CNBD1: variants seen among roughly 807,000 people sequenced by gnomAD.
CNBD1 encodes cyclic nucleotide binding domain containing 1, also known as cyclic nucleotide-binding domain-containing protein 1.
CNBD1 carries 71 observed loss-of-function variants against 54.4 expected under a neutral mutation model. The observed-to-expected ratio is 1.30, with a 90% CI of 1.08 to 1.59. The LOEUF is 1.59. Among genes scored for constraint, CNBD1 ranks in the 40% most tolerant of loss-of-function variants. CNBD1 has a pLI of 0.00. For missense variants in CNBD1, 659 were observed against 518.0 expected, an observed-to-expected ratio of 1.27 and a Z score of -2.64; for synonymous variants, 182 against 170.7, an observed-to-expected ratio of 1.07 and a Z score of -0.51.
At chr8:86,966,076 G>A (rs1283818736) in intron 4 of CNBD1, among the ~76,000 whole-genome samples, 1 of 152,172 alleles carries the variant, frequency 6.6e-6, no homozygotes, top group Non-Finnish European at 1.5e-5. Flanking sequence ...CCTGCTGATT[G>A]GTCCATGGTT....
intron 4 of CNBD1, among the ~76,000 whole-genome samples, chr8:87,063,843 C>A (rs1006307463): frequency 6.6e-6 from 1 of 151,766 alleles, no homozygotes. Context: ...TTATTTCTAG[C>A]AGTTTTATAT....
chr8:87,387,898 A>G (rs895196341), intron 2 of CNBD1, among the ~76,000 whole-genome samples: 1 of 152,204 alleles, frequency 6.6e-6, no homozygotes, highest in African/African-American at 2.4e-5. Flanking sequence ...AAATTATAAC[A>G]AACTGTCTCT....
chr8:87,329,308 G>C (rs1397810265), intron 8 of CNBD1, among the ~76,000 whole-genome samples: 1 of 152,134 alleles, frequency 6.6e-6, no homozygotes, highest in African/African-American at 2.4e-5. Flanking sequence ...GATTACTGCA[G>C]CTCTATTGTA....
At chr8:87,216,657 G>C (rs957770777) in intron 5 of CNBD1, among the ~76,000 whole-genome samples, 4 of 151,998 alleles carry the variant, frequency 2.6e-5, no homozygotes, top group African/African-American at 7.2e-5. Context: ...TGAGGACTCT[G>C]AGTTTCAAAA....
chr8:87,242,961 G>A (rs1449768348), intron 6 of CNBD1, among the ~76,000 whole-genome samples: 1 of 152,124 alleles, frequency 6.6e-6, no homozygotes, highest in Non-Finnish European at 1.5e-5. Context: ...GTGGAGGGAG[G>A]AAATGTGGTA....
rs559722422 is a variant in CNBD1 at position 87,226,786 on chromosome 8, G to T, written c.578-10133G>T. ...TGGTGCAGAGCTGAGTTCAATTCCTGGGTATCCTTGTTGACTTTCTGTCTC... is the reference window on the plus strand; with the variant it reads ...TGGTGCAGAGCTGAGTTCAATTCCTTGGTATCCTTGTTGACTTTCTGTCTC... On this transcript the variant is annotated intron_variant, in intron 5 of 10. Transcript: ENST00000518476. 4.6e-5 allele frequency among the ~76,000 whole-genome samples: 7 copies of T among 151,408 alleles called. 1 individual carries two copies. The South Asian group carries it at 8.3e-4, about 18-fold the overall frequency.
intron 2 of CNBD1, among the ~76,000 whole-genome samples, chr8:87,410,087 G>T (rs773192643): frequency 2.0e-5 from 3 of 151,966 alleles, no homozygotes; most frequent in Non-Finnish European, 4.4e-5. Context: ...ATAAAAGCCT[G>T]GATGACAGCC....
chr8:87,316,403 T>G (rs1383320230), intron 8 of CNBD1, among the ~76,000 whole-genome samples: 2 of 152,040 alleles, frequency 1.3e-5, no homozygotes, highest in Non-Finnish European at 2.9e-5. Flanking sequence ...ATTTTATTAA[T>G]GTATGAAATT....
chr8:87,058,122 G>T (rs576614283), intron 4 of CNBD1, among the ~76,000 whole-genome samples: 1 of 152,182 alleles, frequency 6.6e-6, no homozygotes, highest in South Asian at 2.1e-4. Flanking sequence ...TGCAAGTCCA[G>T]AATCCAAATA....
intron 4 of CNBD1, among the ~76,000 whole-genome samples, chr8:87,002,364 A>T (rs1024653398): frequency 1.3e-5 from 2 of 152,138 alleles, no homozygotes; most frequent in Admixed American, 1.3e-4. Context: ...ACAATTAATC[A>T]GATTATATCT....
At chr8:87,133,941 C>G (rs2130729669) in intron 4 of CNBD1, among the ~76,000 whole-genome samples, 1 of 152,220 alleles carries the variant, frequency 6.6e-6, no homozygotes, top group African/African-American at 2.4e-5. Flanking sequence ...GGTTTAGTTC[C>G]TATCTCAAAA....
At chr8:87,218,874 A>G (rs866209998) in intron 5 of CNBD1, among the ~76,000 whole-genome samples, 8 of 151,866 alleles carry the variant, frequency 5.3e-5, no homozygotes, top group African/African-American at 1.7e-4. Flanking sequence ...AGTTTTTCCT[A>G]TGTTTATCTT....
intron 8 of CNBD1, among the ~76,000 whole-genome samples, chr8:87,304,501 G>T (rs976354113): frequency 9.2e-5 from 14 of 152,098 alleles, no homozygotes; most frequent in African/African-American, 3.1e-4. Context: ...TGGGGTGAGG[G>T]GGGAGAGATA....
intron 4 of CNBD1, among the ~76,000 whole-genome samples, chr8:87,143,455 C>A (rs942400336): frequency 2.0e-5 from 3 of 152,238 alleles, no homozygotes; most frequent in East Asian, 3.9e-4. Context: ...ATTAAACATG[C>A]ACAGATTTCC....
At chr8:87,246,884 A>C (rs1807816535) in intron 6 of CNBD1, among the ~76,000 whole-genome samples, 1 of 152,080 alleles carries the variant, frequency 6.6e-6, no homozygotes, top group Non-Finnish European at 1.5e-5. Flanking sequence ...TAATGAAATA[A>C]TTATACAACT....
At chr8:87,190,901 A>ATATAGGTACATGTACCTATATC (rs1336875403) in intron 4 of CNBD1, among the ~76,000 whole-genome samples, 3 of 141,614 alleles carry the variant, frequency 2.1e-5, no homozygotes, top group Non-Finnish European at 4.5e-5. Flanking sequence ...ATCTATTTAG[A>ATATAGGTACATGTACCTATATC]TATAGGTACA....
intron 5 of CNBD1, among the ~76,000 whole-genome samples, chr8:87,209,953 AC>A (rs1814057956): frequency 6.6e-6 from 1 of 152,098 alleles, no homozygotes; most frequent in Non-Finnish European, 1.5e-5. Flanking sequence ...GAGGGCAGTC[AC>A]CCCCATGCAG....
In CNBD1 at chr8:87,345,130, G is replaced by T. The variant is rs140029634; in HGVS notation, c.1043-6555G>T. Among the ~76,000 whole-genome samples, 186 of 152,208 alleles carry T rather than the reference G, an allele frequency of 1.2e-3. 3 individuals carry two copies. In the East Asian group the frequency reaches 0.026, roughly 21 times the overall value. On this transcript the variant is annotated intron_variant, in intron 8 of 10. Coordinates refer to ENST00000518476, the MANE Select transcript of CNBD1 (RefSeq NM_173538.3). Reference sequence around the variant, plus strand: ...TCATTTAACTACTTCAGCTAAAATAGAATTTTGATTCAGAATGTCAGGCTG... The same window carrying T: ...TCATTTAACTACTTCAGCTAAAATATAATTTTGATTCAGAATGTCAGGCTG...
chr8:87,137,125 T>TTC (rs1482672659), intron 4 of CNBD1, among the ~76,000 whole-genome samples: 1 of 138,602 alleles, frequency 7.2e-6, no homozygotes, highest in African/African-American at 2.7e-5. Flanking sequence ...TATATTTTTA[T>TTC]TATATATAAA....
Sources: gnomAD v4.1 joint callset for allele counts (sites outside exome capture counted in the v4.1 genomes callset) on GRCh38, gnomAD v4.1.1 for gene constraint, MANE v1.5 for transcripts, NCBI Gene and HGNC (gene_info 2026-07-23, HGNC 2026-07-21) for gene names.